The following TXNL1 variants were observed in gnomAD, a reference collection of about 807,000 sequenced individuals.
TXNL1 encodes the protein thioredoxin like 1.
A neutral mutation model predicts 35.5 loss-of-function variants in TXNL1; 14 were observed. The observed-to-expected ratio is 0.39, with a 90% CI of 0.26 to 0.62. TXNL1 has a LOEUF of 0.62. TXNL1 is among the 20% of genes least tolerant of loss of function. The pLI, the probability that TXNL1 is intolerant of heterozygous loss-of-function variation, is 0.47. For missense variants in TXNL1, 263 were observed against 349.7 expected (o/e 0.75, Z 1.98); for synonymous variants, 110 against 115.5 (o/e 0.95, Z 0.31).
chr18:56,623,396 C>T (rs1324224003), intron 3 of TXNL1, among the ~76,000 whole-genome samples: 2 of 150,022 alleles, frequency 1.3e-5, no homozygotes, highest in East Asian at 3.9e-4. Flanking sequence ...CCACTGCACT[C>T]CAGCCTGGGT....
rs748801399 is a variant in TXNL1, at chr18:56,624,312, C to A, written c.345G>T (p.Glu115Asp). ...CATAGCCTTTTGGAATATCTGTGTCCTCATTGCTTCCAGGGTCATTTTCTA... is the reference window on the plus strand; with the variant it reads ...CATAGCCTTTTGGAATATCTGTGTCATCATTGCTTCCAGGGTCATTTTCTA... ...QHLENDPGSN[E>D]DTDIPKGYMD... Residue 115 changes from glutamate to aspartate, a missense_variant, in exon 3 of 8, where the codon GAG becomes GAT. Physicochemically the swap from Glu to Asp is conservative, Grantham distance 45 (BLOSUM62 2). Coordinates refer to ENST00000217515, the MANE Select transcript of TXNL1 (RefSeq NM_004786.3). The A allele has an allele frequency of 6.2e-7, 1 of 1,613,598 alleles. No homozygotes were observed. The highest frequency in any genetic ancestry group is 1.1e-5 in the South Asian group (1 of 91,052).
At chr18:56,610,932 T>G in intron 7 of TXNL1, 61 bp downstream of exon 7, 17 of 1,109,784 alleles carry the variant, frequency 1.5e-5, no homozygotes, top group Non-Finnish European at 1.7e-5. Context: ...TTGAGATACA[T>G]GAAATTATTC....
rs762223875 is a variant in TXNL1, at chr18:56,614,519, G to C, written c.640C>G (p.Pro214Ala). 6.2e-7 allele frequency: 1 copy of C among 1,613,882 alleles called. No homozygotes were observed. Among genetic ancestry groups the C allele is most frequent in the South Asian group, 1.1e-5 (1 of 91,064 alleles). The stretch of plus-strand genomic sequence containing the variant: ...TCTGTCAGTTCCAGAGCTTGAGTTG[G>C]TTCACTTCTTTCTGCCTCTTCAAAA... ...MDFEEAERSE[P>A]TQALELTEDD... Residue 214 changes from proline (P) to alanine (A), a missense_variant, in exon 6 of 8, where the codon CCA becomes GCA. Coordinates refer to ENST00000217515, the MANE Select transcript of TXNL1 (RefSeq NM_004786.3).
chr18:56,624,271 CT>C lies in TXNL1; in HGVS notation c.369+16del. 6.3e-7 allele frequency: 1 copy of C among 1,599,042 alleles called. No homozygotes were observed. Among genetic ancestry groups the C allele is most frequent in the Non-Finnish European group, 8.5e-7 (1 of 1,171,436 alleles). ...CAAGATATTATACATTATGATTTCA[CT>C]TTTCAGTCTACATACATAGCCTTTT... is the stretch of plus-strand genomic sequence containing the variant. On this transcript the variant is annotated intron_variant, in intron 3 of 7. Transcript: ENST00000217515.
At chr18:56,612,407 A>G (rs940406322) in intron 6 of TXNL1, among the ~76,000 whole-genome samples, 4 of 152,022 alleles carry the variant, frequency 2.6e-5, no homozygotes, top group South Asian at 2.1e-4. Flanking sequence ...GCTTGACTCT[A>G]TATTTAATAA....
In TXNL1 at chr18:56,624,419, A is replaced by G. The variant is rs763256140; in HGVS notation, c.238T>C (p.Leu80=). The G allele has an allele frequency of 5.0e-6, 8 of 1,613,648 alleles. No individual in the cohort carries two copies. In the Admixed American group the frequency reaches 1.3e-4, roughly 27 times the overall value. ...ATTCTCACTTTGTTTCGAAAAAACA[A>G]AAATGTAGGTGTTGCTGATATATTG... ...TNNISATPTF[L]FFRNKVRIDQ... The change falls in exon 3 of 8, where the codon TTG becomes CTG. Residue 80 remains leucine, a synonymous_variant. Transcript: ENST00000217515.
At chr18:56,617,405 G>C (rs141081488) in intron 4 of TXNL1, among the ~76,000 whole-genome samples, 2 of 152,240 alleles carry the variant, frequency 1.3e-5, no homozygotes, top group East Asian at 1.9e-4. Context: ...ATGGAAACAT[G>C]CAACTTTATA....
chr18:56,598,501 C>A lies in TXNL1; in HGVS notation c.*4526G>T, dbSNP rs1156920192. ...GCATGCGATATTAGGGTACGTTCTG[C>A]TACCTGGTAATACAGCACAGCACAC... is the stretch of plus-strand genomic sequence containing the variant. On this transcript the variant is annotated 3_prime_UTR_variant, in exon 8 of 8. Transcript: ENST00000217515. The A allele has an allele frequency of 6.6e-6, 1 of 152,184 alleles. No individual in the cohort carries two copies. The highest frequency in any genetic ancestry group is 2.1e-4 in the South Asian group (1 of 4,826). The allele number at this position is 152,184 out of a possible 1,614,324, so 9.4% of individuals were successfully genotyped here. A position where few individuals can be genotyped will look rare whatever the true frequency, so the allele number is the denominator to read the frequency against.
At chr18:56,613,771 A>C (rs1325763190) in intron 6 of TXNL1, among the ~76,000 whole-genome samples, 1 of 152,214 alleles carries the variant, frequency 6.6e-6, no homozygotes, top group African/African-American at 2.4e-5. Context: ...AGGTCGTGCC[A>C]CTGTACTCCA....
At position 56,601,109 on chromosome 18, in the gene TXNL1, A is replaced by G. The variant is rs2023805126; in HGVS notation, c.*1918T>C. The stretch of plus-strand genomic sequence containing the variant: ...TCAGTGTTATATATAAATGTTACAT[A>G]TACATATGTGTGTATATATATATAC... On this transcript the variant is annotated 3_prime_UTR_variant, in exon 8 of 8. Coordinates refer to ENST00000217515, the MANE Select transcript of TXNL1 (RefSeq NM_004786.3). 1 of 23,108 alleles carries G rather than the reference A, an allele frequency of 4.3e-5. No individual in the cohort carries two copies. 1.4% of individuals were successfully genotyped at this position (23,108 alleles called of 1,614,324 possible).
intron 1 of TXNL1, among the ~76,000 whole-genome samples, chr18:56,626,963 C>T (rs28655902): frequency 1.1e-4 from 17 of 150,790 alleles, no homozygotes; most frequent in Non-Finnish European, 2.5e-4. Context: ...TGCCACCACA[C>T]CCAGCTACCA....
intron 1 of TXNL1, among the ~76,000 whole-genome samples, chr18:56,633,339 C>A (rs966990392): frequency 6.7e-6 from 1 of 150,178 alleles, no homozygotes; most frequent in South Asian, 2.1e-4. Context: ...CCCAGCTACT[C>A]GGGAGGCTGA....
chr18:56,633,490 G>T (rs111272908), intron 1 of TXNL1, among the ~76,000 whole-genome samples: 2,536 of 149,420 alleles, frequency 0.017, 53 homozygotes, highest in East Asian at 0.078. Flanking sequence ...ATAGTGGTGC[G>T]TGCCTGTAGT....
intron 3 of TXNL1, among the ~76,000 whole-genome samples, 160 bp downstream of exon 3, chr18:56,624,127 AC>A (rs1171983553): frequency 2.0e-5 from 3 of 152,222 alleles, no homozygotes; most frequent in African/African-American, 7.2e-5. Flanking sequence ...ACACATACAG[AC>A]AAAACTCAAT....
chr18:56,618,665 T>A (rs1337131150), intron 3 of TXNL1, among the ~76,000 whole-genome samples: 4 of 151,336 alleles, frequency 2.6e-5, no homozygotes, highest in African/African-American at 9.7e-5. Context: ...CCCAACTACA[T>A]CCTAACTCTC....
chr18:56,604,168 G>A (rs2144273598), intron 7 of TXNL1, among the ~76,000 whole-genome samples: 1 of 152,224 alleles, frequency 6.6e-6, no homozygotes, highest in Admixed American at 6.5e-5. Context: ...AAGCTCACAA[G>A]GTAGCAAGAT....
intron 5 of TXNL1, among the ~76,000 whole-genome samples, chr18:56,615,988 T>C (rs1250823918): frequency 6.6e-6 from 1 of 151,832 alleles, no homozygotes. Flanking sequence ...CAGCCAGGCG[T>C]GGTGGCGCCT....
intron 1 of TXNL1, among the ~76,000 whole-genome samples, chr18:56,631,575 C>T (rs1270732488): frequency 1.3e-5 from 2 of 152,144 alleles, no homozygotes; most frequent in Non-Finnish European, 2.9e-5. Context: ...TTGAGTTATG[C>T]TGTTTGAGAA....
At chr18:56,615,669 C>T (rs1211654889) in intron 5 of TXNL1, among the ~76,000 whole-genome samples, 1 of 151,986 alleles carries the variant, frequency 6.6e-6, no homozygotes, top group East Asian at 1.9e-4. Context: ...TACGGCTGCT[C>T]AAAAGCTACA....
Sources: allele counts gnomAD v4.1 joint callset (sites outside exome capture counted in the v4.1 genomes callset), GRCh38; gene constraint gnomAD v4.1.1; transcripts MANE v1.5; gene names NCBI Gene and HGNC (gene_info 2026-07-23, HGNC 2026-07-21).